Variants in RIPK1 observed in about 807,000 individuals in gnomAD.
The protein encoded by RIPK1 is receptor-interacting serine/threonine-protein kinase 1.
Under a neutral mutation model 62.4 loss-of-function variants are expected in RIPK1, and 27 were observed. The ratio of observed to expected loss-of-function variants is 0.43; its 90% confidence interval spans 0.32 to 0.60. RIPK1 has a LOEUF of 0.60. RIPK1 is among the 20% of genes least tolerant of loss of function. RIPK1 has a pLI of 0.07. For missense variants in RIPK1, 735 were observed against 831.0 expected (o/e 0.88, Z 1.42); for synonymous variants, 287 against 303.2 (o/e 0.95, Z 0.55).
In RIPK1 at chr6:3,077,861, A is replaced by T; in HGVS notation, c.247A>T (p.Ile83Leu). The T allele has an allele frequency of 6.2e-7, 1 of 1,614,234 alleles. No individual in the cohort carries two copies. The highest frequency in any genetic ancestry group is 8.5e-7 in the Non-Finnish European group (1 of 1,180,028). ...SRVVKLLGVIIEEGKYSLVME... is the reference protein window; with the variant it reads ...SRVVKLLGVILEEGKYSLVME... ...GGTGGTGAAGCTCCTGGGCGTCATC[A>T]TAGAGGAAGGGAAGTACTCCCTGGT... Residue 83 changes from isoleucine to leucine, a missense_variant, in exon 3 of 11, where the codon ATA becomes TTA. By Grantham distance (5) the Ile-to-Leu change is conservative. Coordinates refer to ENST00000259808, the MANE Select transcript of RIPK1 (RefSeq NM_001354930.2).
chr6:3,077,578 G>A (rs374490191), intron 2 of RIPK1, among the ~76,000 whole-genome samples: 1 of 152,072 alleles, frequency 6.6e-6, no homozygotes, highest in Non-Finnish European at 1.5e-5. Flanking sequence ...TTTGGAGCAT[G>A]CACTGCCAGT....
Position 3,076,831 on chromosome 6 carries a change from C to G in RIPK1, c.8C>G (p.Pro3Arg), listed in dbSNP as rs1667800482. The change falls in exon 2 of 11, where the codon CCA becomes CGA. Residue 3 changes from proline (P) to arginine (R), a missense_variant. Pro to Arg is a moderately radical substitution (Grantham distance 103). This residue lies in a region of RIPK1 where 671 missense variants were observed against 726.2 expected (regional missense o/e 0.92). Transcript: ENST00000259808. MQ[P>R]DMSLNVIKMK... ...GCGTTCTTGAGCTTCAGAATGCAACCAGACATGTCCTTGAATGTCATTAAG... is the reference window on the plus strand; with the variant it reads ...GCGTTCTTGAGCTTCAGAATGCAACGAGACATGTCCTTGAATGTCATTAAG... 6.2e-6 allele frequency: 10 copies of G among 1,612,812 alleles called. No individual in the cohort carries two copies. Among genetic ancestry groups the G allele is most frequent in the Non-Finnish European group, 8.5e-6 (10 of 1,179,776 alleles).
At chr6:3,084,917 A>C (rs1294124312) in intron 5 of RIPK1, among the ~76,000 whole-genome samples, 1 of 151,850 alleles carries the variant, frequency 6.6e-6, no homozygotes, top group Non-Finnish European at 1.5e-5. Flanking sequence ...AGCAATGATC[A>C]CTCTGTGTTT....
intron 7 of RIPK1, among the ~76,000 whole-genome samples, chr6:3,103,235 C>G (rs1342462617): frequency 6.6e-6 from 1 of 150,424 alleles, no homozygotes; most frequent in Non-Finnish European, 1.5e-5. Flanking sequence ...TTTTTATGTT[C>G]TGGATTTCAT....
At chr6:3,069,900 A>T (rs1758609078) in intron 1 of RIPK1, among the ~76,000 whole-genome samples, 1 of 152,150 alleles carries the variant, frequency 6.6e-6, no homozygotes, top group Non-Finnish European at 1.5e-5. Context: ...AATCCCAGCT[A>T]CGCGGGAGGC....
chr6:3,073,124 A>C (rs556704514), intron 1 of RIPK1, among the ~76,000 whole-genome samples: 207 of 152,222 alleles, frequency 1.4e-3, no homozygotes, highest in African/African-American at 4.8e-3. Flanking sequence ...ATATACGCAT[A>C]TACAAATATA....
Position 3,106,052 on chromosome 6 carries a change from G to A in RIPK1, c.1576+1G>A. ...CCATTCAGCTCCTTGCCACCAACAG[G>A]TAAATGGGTCTTCGATAGTCACAAG... On this transcript the variant is annotated splice_donor_variant, in intron 9 of 10. Coordinates refer to ENST00000259808, the MANE Select transcript of RIPK1 (RefSeq NM_001354930.2). LOFTEE classifies it high-confidence loss of function. 6.3e-7 allele frequency: 1 copy of A among 1,585,856 alleles called. No individual in the cohort carries two copies. Among genetic ancestry groups the A allele is most frequent in the Non-Finnish European group, 8.6e-7 (1 of 1,161,500 alleles).
chr6:3,114,040 A>C lies in RIPK1; in HGVS notation c.*701A>C, dbSNP rs1489074367. ...TTATCGATTATTTTTTAATGAATTGAATTTATATTGAGTCTTCAAATTAAC... is the reference window on the plus strand; with the variant it reads ...TTATCGATTATTTTTTAATGAATTGCATTTATATTGAGTCTTCAAATTAAC... On this transcript the variant is annotated 3_prime_UTR_variant, in exon 11 of 11. Coordinates refer to ENST00000259808, the MANE Select transcript of RIPK1 (RefSeq NM_001354930.2). The surrounding 1 kb of genome is among the most constrained non-coding windows in gnomAD (Gnocchi z 5.0). 3 of 152,174 alleles carry C rather than the reference A, an allele frequency of 2.0e-5. No homozygotes were observed. The highest frequency in any genetic ancestry group is 6.5e-5 in the Admixed American group (1 of 15,270). 9.4% of individuals were successfully genotyped at this position (152,174 alleles called of 1,614,324 possible).
chr6:3,083,104 C>G lies in RIPK1; in HGVS notation c.479C>G (p.Ala160Gly). The G allele has an allele frequency of 6.2e-7, 1 of 1,613,952 alleles. No individual in the cohort carries two copies. The highest frequency in any genetic ancestry group is 8.5e-7 in the Non-Finnish European group (1 of 1,179,896). The stretch of plus-strand genomic sequence containing the variant: ...TCGCAGATCGCAGACCTCGGCCTTG[C>G]CTCCTTTAAGATGTGGAGCAAACTG... ...FHIKIADLGL[A>G]SFKMWSKLNN... Residue 160 changes from alanine (A) to glycine (G), a missense_variant, in exon 5 of 11, where the codon GCC becomes GGC. By Grantham distance (60) the Ala-to-Gly change is moderately conservative. Transcript: ENST00000259808.
intron 5 of RIPK1, 31 bp downstream of exon 5, chr6:3,083,344 C>A: frequency 6.4e-7 from 1 of 1,563,686 alleles, no homozygotes; most frequent in Non-Finnish European, 8.7e-7. Context: ...CACTGCCGTC[C>A]CCTCAGCATC....
At position 3,077,926 on chromosome 6, in the gene RIPK1, G is replaced by A; in HGVS notation, c.312G>A (p.Leu104=). Residue 104 remains leucine, a synonymous_variant, in exon 3 of 11, where the codon CTG becomes CTA. Transcript: ENST00000259808. ...YMEKGNLMHV[L]KAEMSTPLSV... ...AGAAGGGCAACCTGATGCACGTGCT[G>A]AAAGCCGAGGTAGAGAGGGCCCCTC... 1 of 1,613,930 alleles carries A rather than the reference G, an allele frequency of 6.2e-7. No individual in the cohort carries two copies. Among genetic ancestry groups the A allele is most frequent in the Non-Finnish European group, 8.5e-7 (1 of 1,180,000 alleles).
At position 3,081,025 on chromosome 6, in the gene RIPK1, T is replaced by C. The variant is rs116603010; in HGVS notation, c.368T>C (p.Ile123Thr). The change falls in exon 4 of 11, where the codon ATT becomes ACT. Residue 123 changes from isoleucine to threonine, a missense_variant. By Grantham distance (89) the Ile-to-Thr change is moderately conservative. Transcript: ENST00000259808. ...AAAGGAAGGATAATTTTGGAAATCATTGAAGGAATGTGCTACTTACATGGA... is the reference window on the plus strand; with the variant it reads ...AAAGGAAGGATAATTTTGGAAATCACTGAAGGAATGTGCTACTTACATGGA... Reference protein sequence around the residue: ...SVKGRIILEIIEGMCYLHGKG... With the variant: ...SVKGRIILEITEGMCYLHGKG... 42 of 1,614,100 alleles carry C rather than the reference T, an allele frequency of 2.6e-5. No individual in the cohort carries two copies. The South Asian group carries it at 3.6e-4, about 14-fold the overall frequency.
At chr6:3,104,538 C>T (rs1302551721) in intron 8 of RIPK1, among the ~76,000 whole-genome samples, 1 of 152,000 alleles carries the variant, frequency 6.6e-6, no homozygotes, top group Non-Finnish European at 1.5e-5. Flanking sequence ...GAACAAAAGG[C>T]CTAATATATC....
intron 1 of RIPK1, among the ~76,000 whole-genome samples, chr6:3,074,582 A>G (rs914259596): frequency 2.0e-5 from 3 of 152,384 alleles, no homozygotes; most frequent in African/African-American, 7.2e-5. Flanking sequence ...TTTTATAAAC[A>G]AAATAAATGC....
chr6:3,067,051 A>ATTTTTTTTTTTTTTTTTT (rs36132424), upstream of RIPK1, among the ~76,000 whole-genome samples: 3 of 59,048 alleles, frequency 5.1e-5, no homozygotes, highest in African/African-American at 1.4e-4. Context: ...TTGCTCCAGG[A>ATTTTTTTTTTTTTTTTTT]TTTTTTTTTT....
At chr6:3,083,601 T>C (rs1759533835) in intron 5 of RIPK1, among the ~76,000 whole-genome samples, 1 of 152,176 alleles carries the variant, frequency 6.6e-6, no homozygotes, top group Non-Finnish European at 1.5e-5. Context: ...ACTTGCTCCT[T>C]CATTCAAGAA....
intron 7 of RIPK1, among the ~76,000 whole-genome samples, chr6:3,090,820 C>CAG (rs1760028049): frequency 1.5e-5 from 2 of 134,248 alleles, no homozygotes; most frequent in Admixed American, 7.0e-5. Flanking sequence ...CTAGTAACCG[C>CAG]AGCGCACCTA....
At position 3,086,055 on chromosome 6, in the gene RIPK1, C is replaced by T. The variant is rs1487654142; in HGVS notation, c.838+647C>T. Among the ~76,000 whole-genome samples the T allele has an allele frequency of 2.6e-5, 4 of 152,118 alleles. No individual in the cohort carries two copies. In the East Asian group the frequency reaches 7.7e-4, roughly 29 times the overall value. ...TTCTTCACTTCTTTTATTTCCATCCCCTCCCTTGTTTAGCTGGCATCTTTA... is the reference window on the plus strand; with the variant it reads ...TTCTTCACTTCTTTTATTTCCATCCTCTCCCTTGTTTAGCTGGCATCTTTA... On this transcript the variant is annotated intron_variant, in intron 6 of 10. Transcript: ENST00000259808.
intron 1 of RIPK1, among the ~76,000 whole-genome samples, chr6:3,073,179 C>T (rs1383624203): frequency 6.6e-6 from 1 of 151,482 alleles, no homozygotes; most frequent in African/African-American, 2.4e-5. Flanking sequence ...TATATATCTA[C>T]ATATACAATA....
Sources: allele counts gnomAD v4.1 joint callset (sites outside exome capture counted in the v4.1 genomes callset), GRCh38; gene constraint gnomAD v4.1.1; regional missense constraint gnomAD v4.1.1; non-coding constraint Gnocchi (gnomAD v3.1); transcripts MANE v1.5; gene names NCBI Gene and HGNC (gene_info 2026-07-23, HGNC 2026-07-21).